NFKB2: variants seen among roughly 807,000 people sequenced by gnomAD.
The protein encoded by NFKB2 is nuclear factor kappa B subunit 2.
A neutral mutation model predicts 109.3 loss-of-function variants in NFKB2; 21 were observed. That is an observed-to-expected ratio of 0.19 (90% confidence interval 0.14 to 0.28). NFKB2 has a LOEUF of 0.28. Among genes scored for constraint, NFKB2 ranks in the 10% least tolerant of loss-of-function variants. The pLI, the probability that NFKB2 is intolerant of heterozygous loss-of-function variation, is 1.00. For synonymous variants in NFKB2, 478 were observed against 489.9 expected (o/e 0.98, Z 0.32); for missense variants, 806 against 1,185.3 (o/e 0.68, Z 4.70).
chr10:102,400,351 C>A lies in NFKB2; in HGVS notation c.1658C>A (p.Pro553Gln). Residue 553 changes from proline to glutamine, a missense_variant, in exon 16 of 23, where the codon CCA becomes CAA. Around this residue, in one of 10 missense-constraint regions of NFKB2, gnomAD observed 163 missense variants for 207.1 expected, o/e 0.79. Transcript: ENST00000661543. This position sits in a 1 kb window ranked among gnomAD's most constrained non-coding sequence, Gnocchi z 6.3. ...TTTCTGCTGCGGGTAGGTGCAGACCCAGCTCTGCTGGATCGGCATGGAGAC... is the reference window on the plus strand; with the variant it reads ...TTTCTGCTGCGGGTAGGTGCAGACCAAGCTCTGCTGGATCGGCATGGAGAC... Reference protein sequence around the residue: ...VSFLLRVGADPALLDRHGDSA... With the variant: ...VSFLLRVGADQALLDRHGDSA... The A allele has an allele frequency of 6.2e-7, 1 of 1,613,924 alleles. No homozygotes were observed.
Position 102,399,176 on chromosome 10 carries a change from C to G in NFKB2, c.1118-112C>G, listed in dbSNP as rs3740418. 0.33 allele frequency: 353,878 copies of G among 1,067,992 alleles called. 61,990 individuals are homozygous for G. The highest frequency in any genetic ancestry group is 0.48 in the South Asian group (33,283 of 69,232). The allele number at this position is 1,067,992 out of a possible 1,614,324, so 66.2% of individuals were successfully genotyped here. A position where few individuals can be genotyped will look rare whatever the true frequency, so the allele number is the denominator to read the frequency against. ...GTTGCAGTAAGCTGAGATCACACCA[C>G]TGCACTCCAGGCTGGGCAATAAGAG... On this transcript the variant is annotated intron_variant, in intron 12 of 22. Transcript: ENST00000661543.
In NFKB2 at chr10:102,396,328, G is replaced by C; in HGVS notation, c.97G>C (p.Glu33Gln). ...TGTGGAACCCAAGGAGCCAGCCCCA[G>C]AAACAGGTCAGCAAGTTCACTAACC... Reference protein sequence around the residue: ...SIVEPKEPAPETADGPYLVIV... With the variant: ...SIVEPKEPAPQTADGPYLVIV... Residue 33 changes from glutamate to glutamine, a missense_variant, in exon 3 of 23, where the codon GAA becomes CAA. By Grantham distance (29) the Glu-to-Gln change is conservative (BLOSUM62 2). Around this residue, in one of 10 missense-constraint regions of NFKB2, gnomAD observed 24 missense variants for 105.2 expected, o/e 0.23. Coordinates refer to ENST00000661543, the MANE Select transcript of NFKB2 (RefSeq NM_001322934.2). The surrounding 1 kb of genome is among the most constrained non-coding windows in gnomAD (Gnocchi z 5.9). 6.2e-7 allele frequency: 1 copy of C among 1,613,638 alleles called. No homozygotes were observed. The highest frequency in any genetic ancestry group is 8.5e-7 in the Non-Finnish European group (1 of 1,179,570).
chr10:102,395,613 T>C (rs544387565), upstream of NFKB2: 3 of 450,038 alleles, frequency 6.7e-6, no homozygotes, highest in Non-Finnish European at 1.2e-5. Flanking sequence ...GCCCCTCCCG[T>C]CGCGAGGGCG....
In NFKB2 at chr10:102,396,041, G is replaced by C; in HGVS notation, c.21+61G>C. The C allele has an allele frequency of 6.2e-7, 1 of 1,605,898 alleles. No individual in the cohort carries two copies. Among genetic ancestry groups the C allele is most frequent in the Non-Finnish European group, 8.5e-7 (1 of 1,176,254 alleles). On this transcript the variant is annotated intron_variant, in intron 2 of 22. Coordinates refer to ENST00000661543, the MANE Select transcript of NFKB2 (RefSeq NM_001322934.2). This position sits in a 1 kb window ranked among gnomAD's most constrained non-coding sequence, Gnocchi z 5.9. ...GCCCCTCGTGTCTGTCCACCTGTCT[G>C]CCCGAGCCCCCTCTGCTGCCTTACA...
At chr10:102,399,753 G>C in intron 14 of NFKB2, 35 bp downstream of exon 14, 1 of 1,442,886 alleles carries the variant, frequency 6.9e-7, no homozygotes, top group Admixed American at 2.7e-5. Context: ...CGAGGCGCGG[G>C]GTGGGGGCAG....
Position 102,396,778 on chromosome 10 carries a change from C to A in NFKB2, c.198C>A (p.Pro66=). 1 of 1,613,354 alleles carries A rather than the reference C, an allele frequency of 6.2e-7. No homozygotes were observed. The highest frequency in any genetic ancestry group is 8.5e-7 in the Non-Finnish European group (1 of 1,179,344). Residue 66 remains proline, a synonymous_variant, in exon 5 of 23, where the codon CCC becomes CCA. Transcript: ENST00000661543. This position sits in a 1 kb window ranked among gnomAD's most constrained non-coding sequence, Gnocchi z 5.9. ...AAGGCCCCTCCCATGGAGGACTGCC[C>A]GGTGCCTCCAGTGAGAAGGGCCGAA... ...GCEGPSHGGL[P]GASSEKGRKT...
rs1327072149 is a variant in NFKB2 at position 102,401,720 on chromosome 10, A to C, written c.2294-25A>C. On this transcript the variant is annotated intron_variant, in intron 20 of 22. Transcript: ENST00000661543. This position sits in a 1 kb window ranked among gnomAD's most constrained non-coding sequence, Gnocchi z 4.2. ...CCACCCAACTCTGGAGGTAAATGAC[A>C]TGTCTGTATGTGTGTCCCCCTAAGG... 2 of 1,573,268 alleles carry C rather than the reference A, an allele frequency of 1.3e-6. No individual in the cohort carries two copies. The highest frequency in any genetic ancestry group is 2.7e-5 in the African/African-American group (2 of 73,820).
rs757060747 is a variant in NFKB2, at chr10:102,398,198, C to T, written c.767-14C>T. ...CCACCGGGAGCTGTGGCCAAGCTTCCGTTTTCCTTGTAGATGACATTGAGG... is the reference window on the plus strand; with the variant it reads ...CCACCGGGAGCTGTGGCCAAGCTTCTGTTTTCCTTGTAGATGACATTGAGG... On this transcript the variant is annotated splice_polypyrimidine_tract_variant and intron_variant, in intron 9 of 22. Coordinates refer to ENST00000661543, the MANE Select transcript of NFKB2 (RefSeq NM_001322934.2). This position sits in a 1 kb window ranked among gnomAD's most constrained non-coding sequence, Gnocchi z 6.6. 4.1e-5 allele frequency: 66 copies of T among 1,613,966 alleles called. No homozygotes were observed. The highest frequency in any genetic ancestry group is 5.0e-5 in the Non-Finnish European group (59 of 1,179,990).
chr10:102,401,396 C>T lies in NFKB2; in HGVS notation c.2224-53C>T. The T allele has an allele frequency of 6.2e-7, 1 of 1,613,344 alleles. No homozygotes were observed. Among genetic ancestry groups the T allele is most frequent in the Admixed American group, 1.7e-5 (1 of 59,958 alleles). On this transcript the variant is annotated intron_variant, in intron 19 of 22. Transcript: ENST00000661543. The surrounding 1 kb of genome is among the most constrained non-coding windows in gnomAD (Gnocchi z 4.2). ...GGTCCAGAGTATCTGGACTTAAAGA[C>T]ACAGGCTTAAGGACGAGGTGGGAGG...
Position 102,398,812 on chromosome 10 carries a change from C to G in NFKB2, c.1065C>G (p.His355Gln), listed in dbSNP as rs1482942916. ...TFSQPFGGGS[H>Q]MGGGSGGAAG... ...CCCAGCCCTTCGGGGGTGGCTCCCA[C>G]ATGGGTGGAGGCTCTGGGGGTGCAG... Residue 355 changes from histidine to glutamine, a missense_variant, in exon 12 of 23, where the codon CAC (histidine) becomes CAG (glutamine). This residue lies in a region of NFKB2 where 209 missense variants were observed against 211.9 expected (regional missense o/e 0.99). Coordinates refer to ENST00000661543, the MANE Select transcript of NFKB2 (RefSeq NM_001322934.2). The surrounding 1 kb of genome is among the most constrained non-coding windows in gnomAD (Gnocchi z 6.6). 1 of 1,610,192 alleles carries G rather than the reference C, an allele frequency of 6.2e-7. No homozygotes were observed. Among genetic ancestry groups the G allele is most frequent in the South Asian group, 1.1e-5 (1 of 90,616 alleles).
Position 102,400,374 on chromosome 10 carries a change from G to T in NFKB2, c.1681G>T (p.Asp561Tyr). 1 of 1,613,756 alleles carries T rather than the reference G, an allele frequency of 6.2e-7. No individual in the cohort carries two copies. Among genetic ancestry groups the T allele is most frequent in the South Asian group, 1.1e-5 (1 of 91,084 alleles). The change falls in exon 16 of 23, where the codon GAC (aspartate) becomes TAC (tyrosine). Residue 561 changes from aspartate (D) to tyrosine (Y), a missense_variant. By Grantham distance (160) the Asp-to-Tyr change is radical. Coordinates refer to ENST00000661543, the MANE Select transcript of NFKB2 (RefSeq NM_001322934.2). This position sits in a 1 kb window ranked among gnomAD's most constrained non-coding sequence, Gnocchi z 6.3. ...CCCAGCTCTGCTGGATCGGCATGGA[G>T]ACTCAGCCATGCATCTGGCGCTGCG... is the stretch of plus-strand genomic sequence containing the variant. ...ADPALLDRHGDSAMHLALRAG... is the reference protein window; with the variant it reads ...ADPALLDRHGYSAMHLALRAG...
chr10:102,397,724 CA>C lies in NFKB2; in HGVS notation c.661+40del. On this transcript the variant is annotated intron_variant, in intron 8 of 22. Coordinates refer to ENST00000661543, the MANE Select transcript of NFKB2 (RefSeq NM_001322934.2). The surrounding 1 kb of genome is among the most constrained non-coding windows in gnomAD (Gnocchi z 4.7). ...TTGCCTGGGGTGCCAGGCCTGGTGG[CA>C]GAGGTGGCATGAGGGGTGACCTCAA... The C allele has an allele frequency of 1.9e-6, 3 of 1,586,984 alleles. No individual in the cohort carries two copies. Among genetic ancestry groups the C allele is most frequent in the Non-Finnish European group, 2.6e-6 (3 of 1,161,266 alleles).
In NFKB2 at chr10:102,398,065, T is replaced by A; in HGVS notation, c.746T>A (p.Leu249His). 1 of 1,614,194 alleles carries A rather than the reference T, an allele frequency of 6.2e-7. No individual in the cohort carries two copies. Among genetic ancestry groups the A allele is most frequent in the South Asian group, 1.1e-5 (1 of 91,088 alleles). The stretch of plus-strand genomic sequence containing the variant: ...CGGGGTGGAGATGAAGTTTATCTGC[T>A]TTGTGACAAGGTGCAGAAAGGTGAG... ...SVRGGDEVYL[L>H]CDKVQKDDIE... is the part of the protein sequence containing the mutation. Residue 249 changes from leucine (L) to histidine (H), a missense_variant, in exon 9 of 23, where the codon CTT (leucine) becomes CAT (histidine). By Grantham distance (99) the Leu-to-His change is moderately conservative. Coordinates refer to ENST00000661543, the MANE Select transcript of NFKB2 (RefSeq NM_001322934.2). The surrounding 1 kb of genome is among the most constrained non-coding windows in gnomAD (Gnocchi z 6.6).
Position 102,401,896 on chromosome 10 carries a change from C to G in NFKB2, c.2445C>G (p.Gly815=). 3 of 1,612,872 alleles carry G rather than the reference C, an allele frequency of 1.9e-6. No homozygotes were observed. The highest frequency in any genetic ancestry group is 2.5e-6 in the Non-Finnish European group (3 of 1,179,498). The change falls in exon 21 of 23, where the codon GGC becomes GGG. Residue 815 remains glycine (G), a synonymous_variant. Coordinates refer to ENST00000661543, the MANE Select transcript of NFKB2 (RefSeq NM_001322934.2). The surrounding 1 kb of genome is among the most constrained non-coding windows in gnomAD (Gnocchi z 4.2). ...ACCGACAGACAACCTCACCCAGTGG[C>G]AGCCTCCTGCGCAGCTACGAGGTGG... ...DTYRQTTSPS[G]SLLRSYELAG... is the part of the protein sequence containing the mutation.
chr10:102,394,483 C>T (rs887239770), upstream of NFKB2: 3 of 152,632 alleles, frequency 2.0e-5, no homozygotes, highest in Non-Finnish European at 4.4e-5. Context: ...GAATTCCCCC[C>T]TCCGGGGGGC....
chr10:102,398,940 G>A lies in NFKB2; in HGVS notation c.1117+76G>A, dbSNP rs2061166633. The A allele has an allele frequency of 2.7e-6, 4 of 1,488,404 alleles. No individual in the cohort carries two copies. The highest frequency in any genetic ancestry group is 1.9e-4 in the Middle Eastern group (1 of 5,212). The allele number at this position is 1,488,404 out of a possible 1,614,324, so 92.2% of individuals were successfully genotyped here. A position where few individuals can be genotyped will look rare whatever the true frequency, so the allele number is the denominator to read the frequency against. ...GAAAAAAATCTGGGGGAGGCCGGGCGTGGTGGCTCACGCCTGTAATCCAGC... is the reference window on the plus strand; with the variant it reads ...GAAAAAAATCTGGGGGAGGCCGGGCATGGTGGCTCACGCCTGTAATCCAGC... On this transcript the variant is annotated intron_variant, in intron 12 of 22. Coordinates refer to ENST00000661543, the MANE Select transcript of NFKB2 (RefSeq NM_001322934.2). This position sits in a 1 kb window ranked among gnomAD's most constrained non-coding sequence, Gnocchi z 6.6.
At position 102,397,804 on chromosome 10, in the gene NFKB2, C is replaced by T. The variant is rs2061143799; in HGVS notation, c.661+119C>T. On this transcript the variant is annotated intron_variant, in intron 8 of 22. Coordinates refer to ENST00000661543, the MANE Select transcript of NFKB2 (RefSeq NM_001322934.2). This position sits in a 1 kb window ranked among gnomAD's most constrained non-coding sequence, Gnocchi z 4.7. ...AGAACCTGGCCCTGCCACATATGAG[C>T]TGAGTGATCCTGAGCAAGTCATTTC... 3.0e-6 allele frequency: 4 copies of T among 1,325,446 alleles called. No homozygotes were observed. The highest frequency in any genetic ancestry group is 1.5e-5 in the African/African-American group (1 of 68,200). 82.1% of individuals were successfully genotyped at this position (1,325,446 alleles called of 1,614,324 possible).
At chr10:102,399,978 G>A (rs2061199363) in intron 14 of NFKB2, 102 bp from the exon 15 acceptor site, 1 of 1,265,210 alleles carries the variant, frequency 7.9e-7, no homozygotes, top group Non-Finnish European at 1.1e-6. Flanking sequence ...CCACGTGCTG[G>A]GTTCCATGGG....
In NFKB2 at chr10:102,397,145, A is replaced by C. The variant is rs750640557; in HGVS notation, c.395+90A>C. The C allele has an allele frequency of 3.2e-6, 5 of 1,565,350 alleles. No homozygotes were observed. The highest frequency in any genetic ancestry group is 4.3e-6 in the Non-Finnish European group (5 of 1,150,126). On this transcript the variant is annotated intron_variant, in intron 6 of 22. Transcript: ENST00000661543. The surrounding 1 kb of genome is among the most constrained non-coding windows in gnomAD (Gnocchi z 4.7). ...CCTCCATGAGCTTAGCATCTGACCA[A>C]GGGGAAAGATGTAGGTTGGCCCCAA...
Sources: gnomAD v4.1 joint callset for allele counts on GRCh38, gnomAD v4.1.1 for gene constraint, gnomAD v4.1.1 regional missense constraint, Gnocchi (gnomAD v3.1) non-coding constraint, MANE v1.5 for transcripts, NCBI Gene and HGNC (gene_info 2026-07-23, HGNC 2026-07-21) for gene names.